Variants in MYO5B observed in about 807,000 individuals in gnomAD.
The protein encoded by MYO5B is unconventional myosin-Vb.
Under a neutral mutation model 229.3 loss-of-function variants are expected in MYO5B, and 143 were observed. The ratio of observed to expected loss-of-function variants is 0.62; its 90% CI spans 0.54 to 0.72. The LOEUF (loss-of-function observed/expected upper bound fraction) is 0.72, where lower values mean the gene tolerates loss of function less well. Among genes scored for constraint, MYO5B ranks in the 30% least tolerant of loss-of-function variants. The pLI is 0.00. For missense variants in MYO5B, 2,321 were observed against 2,331.0 expected (o/e 1.00, Z 0.09); for synonymous variants, 918 against 885.2 (o/e 1.04, Z -0.66).
chr18:50,078,078 C>G (rs559133643), intron 1 of MYO5B, among the ~76,000 whole-genome samples: 2 of 152,168 alleles, frequency 1.3e-5, no homozygotes, highest in African/African-American at 4.8e-5. Flanking sequence ...CTAGGGAAAG[C>G]GGGAATATTC....
intron 1 of MYO5B, among the ~76,000 whole-genome samples, chr18:50,104,762 A>T (rs567602813): frequency 6.6e-6 from 1 of 152,298 alleles, no homozygotes; most frequent in East Asian, 1.9e-4. Flanking sequence ...CTAGGGGAAA[A>T]TTCTTTTATC....
intron 20 of MYO5B, among the ~76,000 whole-genome samples, chr18:49,904,370 C>T (rs2024875793): frequency 6.6e-6 from 1 of 152,134 alleles, no homozygotes; most frequent in African/African-American, 2.4e-5. Context: ...AGGCCCTCTC[C>T]AGAAGCAGAT....
At chr18:49,866,484 C>G (rs1192434944) in intron 27 of MYO5B, among the ~76,000 whole-genome samples, 2 of 152,172 alleles carry the variant, frequency 1.3e-5, no homozygotes, top group Non-Finnish European at 2.9e-5. Context: ...GAAACTCTGT[C>G]CCTATGAAAC....
rs1197291414 is a variant in MYO5B, at chr18:50,169,336, G to A, written c.27+25431C>T. ...AAGCTACATAGGAAATGCAGGGGAG[G>A]GTAATGAGTCAGCATTTAATCAAGT... On this transcript the variant is annotated intron_variant, in intron 1 of 39. Coordinates refer to ENST00000285039, the MANE Select transcript of MYO5B (RefSeq NM_001080467.3). 1.6e-5 allele frequency among the ~76,000 whole-genome samples: 2 copies of A among 126,508 alleles called. 1 individual carries two copies. The highest frequency in any genetic ancestry group is 3.4e-5 in the Non-Finnish European group (2 of 59,482). 83.0% of individuals were successfully genotyped at this position (126,508 alleles called of 152,430 possible).
intron 22 of MYO5B, among the ~76,000 whole-genome samples, chr18:49,887,286 C>T (rs1787543): frequency 0.59 from 89,530 of 151,806 alleles, 26,584 homozygotes; most frequent in Middle Eastern, 0.67. Context: ...TCAGATGGCA[C>T]GTTCCATTTC....
chr18:49,912,020 G>A (rs745584425), intron 18 of MYO5B, 42 bp downstream of exon 18: 3 of 1,492,728 alleles, frequency 2.0e-6, no homozygotes, highest in East Asian at 4.5e-5. Flanking sequence ...ATCTTTAGGG[G>A]ACCTGGTCAG....
chr18:49,960,264 G>A (rs1188609227), intron 12 of MYO5B, among the ~76,000 whole-genome samples: 1 of 152,146 alleles, frequency 6.6e-6, no homozygotes, highest in Non-Finnish European at 1.5e-5. Context: ...GAACTCAACT[G>A]TTCACAGTGC....
chr18:50,084,797 A>G (rs2031296273), intron 1 of MYO5B, among the ~76,000 whole-genome samples: 1 of 152,228 alleles, frequency 6.6e-6, no homozygotes, highest in African/African-American at 2.4e-5. Flanking sequence ...AAACCTGAGA[A>G]AAACAAGCAA....
At chr18:49,871,003 G>A (rs955640676) in intron 27 of MYO5B, among the ~76,000 whole-genome samples, 1 of 152,120 alleles carries the variant, frequency 6.6e-6, no homozygotes, top group Non-Finnish European at 1.5e-5. Context: ...TCCATGTTCA[G>A]TACAGCATTA....
chr18:50,026,944 G>A (rs1040003036), intron 4 of MYO5B, among the ~76,000 whole-genome samples: 3 of 152,260 alleles, frequency 2.0e-5, no homozygotes, highest in East Asian at 1.9e-4. Context: ...AGCCAGTCTC[G>A]TTACTGTCCC....
At chr18:50,137,517 T>G (rs1194458709) in intron 1 of MYO5B, among the ~76,000 whole-genome samples, 1 of 152,178 alleles carries the variant, frequency 6.6e-6, no homozygotes, top group African/African-American at 2.4e-5. Context: ...CAATGACTAT[T>G]GCAGCTCTGT....
intron 1 of MYO5B, among the ~76,000 whole-genome samples, chr18:50,188,807 A>AAC (rs2033187870): frequency 2.9e-5 from 2 of 68,708 alleles, no homozygotes; most frequent in Middle Eastern, 8.5e-3. Flanking sequence ...AAAAAAAAAA[A>AAC]AAAAAAAAAA....
intron 14 of MYO5B, among the ~76,000 whole-genome samples, chr18:49,947,167 A>C (rs1243515334): frequency 7.4e-6 from 1 of 134,378 alleles, no homozygotes; most frequent in Non-Finnish European, 1.5e-5. Flanking sequence ...GTGCAATGGC[A>C]CGATCTCAGC....
At chr18:50,084,068 T>C (rs1017955240) in intron 1 of MYO5B, among the ~76,000 whole-genome samples, 2 of 152,148 alleles carry the variant, frequency 1.3e-5, no homozygotes, top group African/African-American at 2.4e-5. Flanking sequence ...TATGAGAGAA[T>C]TCCATGGCGT....
At chr18:50,093,854 C>T (rs1483599381) in intron 1 of MYO5B, among the ~76,000 whole-genome samples, 1 of 152,118 alleles carries the variant, frequency 6.6e-6, no homozygotes, top group South Asian at 2.1e-4. Flanking sequence ...AGGGAGTTAC[C>T]CTATATGGTC....
chr18:49,921,798 C>T (rs1202453980), intron 17 of MYO5B, among the ~76,000 whole-genome samples: 2 of 152,212 alleles, frequency 1.3e-5, no homozygotes, highest in East Asian at 3.8e-4. Context: ...TTGGGAGCAG[C>T]CCTGTGGATA....
intron 14 of MYO5B, 54 bp downstream of exon 14, chr18:49,953,206 C>A: frequency 6.5e-7 from 1 of 1,537,666 alleles, no homozygotes; most frequent in Non-Finnish European, 9.0e-7. Flanking sequence ...CACTCCCTGT[C>A]CAGCACTGGC....
At chr18:49,880,088 C>T (rs1381835575) in intron 23 of MYO5B, among the ~76,000 whole-genome samples, 15 of 152,192 alleles carry the variant, frequency 9.9e-5, no homozygotes, top group Non-Finnish European at 2.1e-4. Context: ...CTATTCAAGG[C>T]CATACAGAAG....
chr18:50,146,681 T>C (rs2032507892), intron 1 of MYO5B, among the ~76,000 whole-genome samples: 1 of 152,268 alleles, frequency 6.6e-6, no homozygotes, highest in Admixed American at 6.5e-5. Flanking sequence ...TTATTACATC[T>C]GAATTAACCC....
Sources: allele counts gnomAD v4.1 joint callset (sites outside exome capture counted in the v4.1 genomes callset), GRCh38; gene constraint gnomAD v4.1.1; transcripts MANE v1.5; gene names NCBI Gene and HGNC (gene_info 2026-07-23, HGNC 2026-07-21).